Variants in ARFGAP3 observed in about 807,000 individuals in gnomAD.
The protein encoded by ARFGAP3 is ARF GTPase activating protein 3.
Under a neutral mutation model 75.0 loss-of-function variants are expected in ARFGAP3, and 72 were observed. That is an observed-to-expected ratio of 0.96 (90% CI 0.79 to 1.17). The LOEUF is 1.17. Ranked by LOEUF, ARFGAP3 falls within the 50% of genes most tolerant of loss-of-function variation. ARFGAP3 has a pLI of 0.00. For missense variants in ARFGAP3, 620 were observed against 626.6 expected (o/e 0.99, Z 0.11); for synonymous variants, 221 against 217.9 (o/e 1.01, Z -0.13).
intron 14 of ARFGAP3, 110 bp from the exon 15 acceptor site, chr22:42,799,270 G>C: frequency 6.5e-7 from 1 of 1,527,848 alleles, no homozygotes; most frequent in South Asian, 1.2e-5. Context: ...CTCCCCTCCT[G>C]CTGCCTCACA....
intron 6 of ARFGAP3, among the ~76,000 whole-genome samples, chr22:42,829,621 A>G (rs1400584569): frequency 6.6e-6 from 1 of 152,234 alleles, no homozygotes; most frequent in East Asian, 1.9e-4. Context: ...TAAGGAAACA[A>G]GCCGTTTTTG....
At position 42,837,675 on chromosome 22, in the gene ARFGAP3, C is replaced by CTTTTTTTTTTTTTTTT. The variant is rs71186547; in HGVS notation, c.262-2198_262-2183dup. ...GCCTTGAAACATCTAAGGCATACTTCTTTTTTTTTTTTTTTTTTTTTTGAG... is the reference window on the plus strand; with the variant it reads ...GCCTTGAAACATCTAAGGCATACTTCTTTTTTTTTTTTTTTTTTTTTTTTTTTTTTTTTTTTTTGAG... On this transcript the variant is annotated intron_variant, in intron 3 of 15. Transcript: ENST00000263245. Among the ~76,000 whole-genome samples, 526 of 75,664 alleles carry CTTTTTTTTTTTTTTTT rather than the reference C, an allele frequency of 7.0e-3. 81 individuals carry two copies. Among genetic ancestry groups the CTTTTTTTTTTTTTTTT allele is most frequent in the East Asian group, 0.029 (47 of 1,632 alleles). 49.6% of individuals were successfully genotyped at this position (75,664 alleles called of 152,430 possible).
rs80206005 is a variant in ARFGAP3, at chr22:42,822,655, C to T, written c.673-246G>A. The T allele has an allele frequency of 7.1e-3, 1,100 of 154,282 alleles. 4 individuals carry two copies. The highest frequency in any genetic ancestry group is 0.018 in the African/African-American group (750 of 41,554). The allele number at this position is 154,282 out of a possible 1,614,324, so 9.6% of individuals were successfully genotyped here. On this transcript the variant is annotated intron_variant, in intron 8 of 15. Coordinates refer to ENST00000263245, the MANE Select transcript of ARFGAP3 (RefSeq NM_014570.5). ...TGATCAAGTCCCTTACGTAAAAGGG[C>T]GTAGTATCTGCATTTAACCCACGTG...
chr22:42,812,974 A>G (rs565533831), intron 11 of ARFGAP3, among the ~76,000 whole-genome samples: 10 of 152,266 alleles, frequency 6.6e-5, no homozygotes, highest in Non-Finnish European at 1.2e-4. Flanking sequence ...AAGAGAGATC[A>G]GGACACTGAA....
intron 4 of ARFGAP3, 167 bp from the exon 5 acceptor site, chr22:42,834,492 T>C (rs368505621): frequency 2.3e-6 from 2 of 869,524 alleles, no homozygotes; most frequent in African/African-American, 3.6e-5. Flanking sequence ...ACTTTAGTAA[T>C]CTATCATCCA....
chr22:42,835,955 T>C (rs1041845018), intron 3 of ARFGAP3, among the ~76,000 whole-genome samples: 1 of 151,922 alleles, frequency 6.6e-6, no homozygotes, highest in Non-Finnish European at 1.5e-5. Context: ...GGACTACTTT[T>C]AATTCACGAG....
chr22:42,856,438 C>T (rs1927502957), intron 1 of ARFGAP3, among the ~76,000 whole-genome samples: 1 of 152,168 alleles, frequency 6.6e-6, no homozygotes, highest in African/African-American at 2.4e-5. Context: ...TGCGTCACCC[C>T]AACGCCTCCA....
At chr22:42,839,445 C>CA (rs1282866166) in intron 3 of ARFGAP3, among the ~76,000 whole-genome samples, 2 of 151,144 alleles carry the variant, frequency 1.3e-5, no homozygotes, top group Non-Finnish European at 3.0e-5. Context: ...CTAAAAATAC[C>CA]AAAAAATCCA....
intron 14 of ARFGAP3, among the ~76,000 whole-genome samples, chr22:42,800,463 G>A (rs1487028587): frequency 6.6e-6 from 1 of 152,170 alleles, no homozygotes; most frequent in Admixed American, 6.5e-5. Context: ...CCTGGGAGGT[G>A]GAGGTTGCAG....
At position 42,810,892 on chromosome 22, in the gene ARFGAP3, C is replaced by T; in HGVS notation, c.1117G>A (p.Asp373Asn). Residue 373 changes from aspartate to asparagine, a missense_variant, in exon 12 of 16, where the codon GAC (aspartate) becomes AAC (asparagine). Transcript: ENST00000263245. ...TTTTTCCAATAGGAATCTGAACTGTCATCCCAGCTAGAGAAAGAACTGCTC... is the reference window on the plus strand; with the variant it reads ...TTTTTCCAATAGGAATCTGAACTGTTATCCCAGCTAGAGAAAGAACTGCTC... ...LRSSSFSSWDDSSDSYWKKET... is the reference protein window; with the variant it reads ...LRSSSFSSWDNSSDSYWKKET... The T allele has an allele frequency of 1.9e-6, 3 of 1,614,200 alleles. No individual in the cohort carries two copies. The highest frequency in any genetic ancestry group is 2.5e-6 in the Non-Finnish European group (3 of 1,180,038).
At chr22:42,841,228 G>T (rs1206515421) in intron 2 of ARFGAP3, 1 of 347,146 alleles carries the variant, frequency 2.9e-6, no homozygotes, top group Middle Eastern at 1.5e-3. Flanking sequence ...TTCCTGGAAT[G>T]CAGGGCACAG....
Position 42,857,139 on chromosome 22 carries a change from C to T in ARFGAP3, c.44G>A (p.Arg15His), listed in dbSNP as rs1181868566. ...CTTGTTAGTGGGCACCGAGCGGAGGCGCTTGAAGATGGTCAAGATGTCCTG... is the reference window on the plus strand; with the variant it reads ...CTTGTTAGTGGGCACCGAGCGGAGGTGCTTGAAGATGGTCAAGATGTCCTG... ...SKQDILTIFKRLRSVPTNKVC... is the reference protein window; with the variant it reads ...SKQDILTIFKHLRSVPTNKVC... The change falls in exon 1 of 16, where the codon CGC (arginine) becomes CAC (histidine). Residue 15 changes from arginine to histidine, a missense_variant. Coordinates refer to ENST00000263245, the MANE Select transcript of ARFGAP3 (RefSeq NM_014570.5). The T allele has an allele frequency of 2.2e-5, 34 of 1,515,790 alleles. No individual in the cohort carries two copies. The highest frequency in any genetic ancestry group is 6.3e-5 in the Admixed American group (3 of 47,406). The allele number at this position is 1,515,790 out of a possible 1,614,324, so 93.9% of individuals were successfully genotyped here.
chr22:42,857,052 G>A (rs1281532253), intron 1 of ARFGAP3, 62 bp downstream of exon 1: 5 of 1,451,680 alleles, frequency 3.4e-6, no homozygotes, highest in South Asian at 1.3e-5. Context: ...TGGCGCCCGC[G>A]GGGCCTCCCG....
At chr22:42,845,868 T>C (rs1310453051) in intron 2 of ARFGAP3, among the ~76,000 whole-genome samples, 2 of 151,968 alleles carry the variant, frequency 1.3e-5, no homozygotes, top group East Asian at 3.9e-4. Flanking sequence ...TGAAAGCCCA[T>C]CTCTACTAAA....
At position 42,808,835 on chromosome 22, in the gene ARFGAP3, G is replaced by A; in HGVS notation, c.1252C>T (p.Gln418Ter). The change falls in exon 13 of 16, where the codon CAG (glutamine) becomes TAG (stop). Residue 418 changes from glutamine (Q) to a stop codon, truncating the protein, a stop_gained. Coordinates refer to ENST00000263245, the MANE Select transcript of ARFGAP3 (RefSeq NM_014570.5). LOFTEE classifies it high-confidence loss of function. The stretch of plus-strand genomic sequence containing the variant: ...GCCTTGACATTGCCAAACTTCTTCT[G>A]GGCCTCATCTGTATTTTCAACTGGC... ...YEPVENTDEA[Q>*]KKFGNVKAIS... The A allele has an allele frequency of 6.2e-7, 1 of 1,613,510 alleles. No homozygotes were observed. The highest frequency in any genetic ancestry group is 8.5e-7 in the Non-Finnish European group (1 of 1,179,684).
At chr22:42,842,011 CTTTTTTT>C (rs55825441) in intron 2 of ARFGAP3, among the ~76,000 whole-genome samples, 1 of 91,272 alleles carries the variant, frequency 1.1e-5, no homozygotes. Context: ...CCATGCCGGG[CTTTTTTT>C]TTTTTTTTTT....
intron 5 of ARFGAP3, among the ~76,000 whole-genome samples, chr22:42,832,314 G>A (rs1174110666): frequency 1.3e-5 from 2 of 151,960 alleles, no homozygotes; most frequent in African/African-American, 4.8e-5. Context: ...GATCACCTGA[G>A]GTCAGGAGTT....
Position 42,798,967 on chromosome 22 carries a change from T to C in ARFGAP3, c.1533+72A>G, listed in dbSNP as rs537883623. 20 of 1,268,100 alleles carry C rather than the reference T, an allele frequency of 1.6e-5. 1 individual carries two copies. Among genetic ancestry groups the C allele is most frequent in the East Asian group, 1.2e-4 (5 of 42,956 alleles). 78.6% of individuals were successfully genotyped at this position (1,268,100 alleles called of 1,614,324 possible). A position where few individuals can be genotyped will look rare whatever the true frequency, so the allele number is the denominator to read the frequency against. Reference sequence around the variant, plus strand: ...AATTGAATTTTCCAGCAGTTGAAGATTGAAGCAGGTCTCATTTTCAAACTG... The same window carrying C: ...AATTGAATTTTCCAGCAGTTGAAGACTGAAGCAGGTCTCATTTTCAAACTG... On this transcript the variant is annotated intron_variant, in intron 15 of 15. Coordinates refer to ENST00000263245, the MANE Select transcript of ARFGAP3 (RefSeq NM_014570.5).
chr22:42,843,445 G>C (rs1011363985), intron 2 of ARFGAP3, among the ~76,000 whole-genome samples: 1 of 152,054 alleles, frequency 6.6e-6, no homozygotes, highest in Non-Finnish European at 1.5e-5. Context: ...ATGTTGCCCA[G>C]GTTGGTCTTA....
Sources: gnomAD v4.1 joint callset for allele counts (sites outside exome capture counted in the v4.1 genomes callset) on GRCh38, gnomAD v4.1.1 for gene constraint, MANE v1.5 for transcripts, NCBI Gene and HGNC (gene_info 2026-07-23, HGNC 2026-07-21) for gene names.